Variants in LOXHD1 observed in about 807,000 individuals in gnomAD.
LOXHD1 encodes the protein lipoxygenase homology domain-containing protein 1.
In LOXHD1, 205 loss-of-function variants were observed where a neutral mutation model predicts 248.2. That is an observed-to-expected ratio of 0.83 (90% confidence interval 0.74 to 0.93). The LOEUF (loss-of-function observed/expected upper bound fraction) is 0.93. Among genes scored for constraint, LOXHD1 ranks in the 40% least tolerant of loss-of-function variants. LOXHD1 has a pLI of 0.00. For synonymous variants in LOXHD1, 1,113 were observed against 1,162.8 expected, an observed-to-expected ratio of 0.96 and a Z score of 0.87; for missense variants, 2,930 against 2,971.6, an observed-to-expected ratio of 0.99 and a Z score of 0.33.
At chr18:46,608,444 A>C (rs747679276) in intron 6 of LOXHD1, among the ~76,000 whole-genome samples, 4 of 152,186 alleles carry the variant, frequency 2.6e-5, no homozygotes, top group Non-Finnish European at 5.9e-5. Flanking sequence ...CAAGAGGGTG[A>C]AACTGTTCAC....
chr18:46,574,728 C>T (rs1031068088), intron 14 of LOXHD1, among the ~76,000 whole-genome samples: 1 of 152,158 alleles, frequency 6.6e-6, no homozygotes, highest in Non-Finnish European at 1.5e-5. Flanking sequence ...TCATCAGCAC[C>T]ACTGTGTCTT....
In LOXHD1 at chr18:46,485,147, G is replaced by C. The variant is rs137944477; in HGVS notation, c.6054C>G (p.Tyr2018Ter). Residue 2018 changes from tyrosine (Y) to a stop codon, truncating the protein, a stop_gained, in exon 39 of 41, where the codon TAC becomes TAG. Transcript: ENST00000642948. LOFTEE classifies it high-confidence loss of function. ...CGTTGCCCGTTTCTATGACGATCTC[G>C]TAGGCTGTAATGGAGGAGGTGGGGG... ...KICDELEETT[Y>*]EIVIETGNGG... is the part of the protein sequence containing the mutation. 8 of 1,549,350 alleles carry C rather than the reference G, an allele frequency of 5.2e-6. No homozygotes were observed. In the Admixed American group the frequency reaches 1.6e-4, roughly 31 times the overall value.
In LOXHD1 at chr18:46,524,586, G is replaced by C. The variant is rs773223976; in HGVS notation, c.4756C>G (p.Arg1586Gly). The change falls in exon 31 of 41, where the codon CGC becomes GGC. Residue 1586 changes from arginine (R) to glycine (G), a missense_variant. Physicochemically the swap from Arg to Gly is moderately radical, Grantham distance 125. Transcript: ENST00000642948. ...LFYEKEYTGD[R>G]SSNCSSPADF... ...GCAGGGCTGCTGCAGTTGCTGCTGCGGTCCCCAGTGTACTCCTGTGTGGGA... is the reference window on the plus strand; with the variant it reads ...GCAGGGCTGCTGCAGTTGCTGCTGCCGTCCCCAGTGTACTCCTGTGTGGGA... 6.4e-7 allele frequency: 1 copy of C among 1,551,676 alleles called. No homozygotes were observed. The highest frequency in any genetic ancestry group is 8.7e-7 in the Non-Finnish European group (1 of 1,146,986).
rs745921203 is a variant in LOXHD1, at chr18:46,566,279, G to T, written c.2415C>A (p.Ser805Arg). The T allele has an allele frequency of 3.9e-6, 6 of 1,550,424 alleles. No homozygotes were observed. Among genetic ancestry groups the T allele is most frequent in the East Asian group, 2.4e-5 (1 of 40,866 alleles). The stretch of plus-strand genomic sequence containing the variant: ...TACATTTCTGGATCTCCACCACCTC[G>T]CTGGGATACAGCTCCACCTCCAGGC... ...DGRLEVELYP[S>R]EVVEIQKLVH... Residue 805 changes from serine (S) to arginine (R), a missense_variant, in exon 17 of 41, where the codon AGC becomes AGA. Physicochemically the swap from Ser to Arg is moderately radical, Grantham distance 110. Transcript: ENST00000642948.
At chr18:46,615,065 A>T (rs538806233) in intron 5 of LOXHD1, among the ~76,000 whole-genome samples, 23 of 152,322 alleles carry the variant, frequency 1.5e-4, no homozygotes, top group Middle Eastern at 3.4e-3. Context: ...GAGATGAAAG[A>T]TCAGGCTACA....
intron 23 of LOXHD1, among the ~76,000 whole-genome samples, chr18:46,543,810 ACT>A (rs1427025085): frequency 6.6e-6 from 1 of 151,710 alleles, no homozygotes; most frequent in Non-Finnish European, 1.5e-5. Flanking sequence ...TACCCTCACA[ACT>A]CTCTACATGG....
At chr18:46,652,821 G>A (rs1477869150) in intron 1 of LOXHD1, among the ~76,000 whole-genome samples, 1 of 152,248 alleles carries the variant, frequency 6.6e-6, no homozygotes, top group Non-Finnish European at 1.5e-5. Flanking sequence ...AGACAGTGGT[G>A]TATGTATCAA....
intron 36 of LOXHD1, among the ~76,000 whole-genome samples, chr18:46,506,289 T>C (rs1354739730): frequency 6.6e-6 from 1 of 152,226 alleles, no homozygotes; most frequent in Admixed American, 6.5e-5. Flanking sequence ...AGTACAAAAC[T>C]CATCTATTTC....
chr18:46,498,671 C>T (rs189863485), intron 37 of LOXHD1, among the ~76,000 whole-genome samples: 1 of 152,168 alleles, frequency 6.6e-6, no homozygotes, highest in African/African-American at 2.4e-5. Flanking sequence ...AGCATCTTTC[C>T]ATGTTCTCTC....
Position 46,639,818 on chromosome 18 carries a change from G to A in LOXHD1, c.327-18C>T. On this transcript the variant is annotated intron_variant, in intron 3 of 40. Coordinates refer to ENST00000642948, the MANE Select transcript of LOXHD1 (RefSeq NM_001384474.1). The stretch of plus-strand genomic sequence containing the variant: ...GCTCAATCCTGAGGCAGAAGCCAAG[G>A]CCCACACCATCACTGGCAGAACTGA... The A allele has an allele frequency of 3.9e-6, 6 of 1,551,558 alleles. No individual in the cohort carries two copies. The highest frequency in any genetic ancestry group is 3.5e-6 in the Non-Finnish European group (4 of 1,146,908).
chr18:46,650,707 TG>T (rs10706609), intron 1 of LOXHD1, among the ~76,000 whole-genome samples: 46,627 of 151,562 alleles, frequency 0.31, 8,344 homozygotes, highest in East Asian at 0.43. Flanking sequence ...TGAGGGAGAA[TG>T]GGGGAGGAAG....
chr18:46,567,627 A>G (rs1279265298), intron 16 of LOXHD1, among the ~76,000 whole-genome samples: 1 of 152,272 alleles, frequency 6.6e-6, no homozygotes, highest in Non-Finnish European at 1.5e-5. Context: ...GCTCAGTTCT[A>G]CAACACTTCA....
intron 4 of LOXHD1, among the ~76,000 whole-genome samples, chr18:46,628,161 T>C (rs909477648): frequency 1.3e-5 from 2 of 152,220 alleles, no homozygotes; most frequent in Non-Finnish European, 2.9e-5. Flanking sequence ...GGCTTCCATT[T>C]TCTCCTCTCT....
chr18:46,505,737 C>G (rs1405949469), intron 37 of LOXHD1, 101 bp downstream of exon 37: 4 of 1,284,552 alleles, frequency 3.1e-6, no homozygotes, highest in South Asian at 2.8e-5. Flanking sequence ...TTCTGCCACC[C>G]TGGGGTAATC....
At chr18:46,545,515 T>A (rs527926334) in intron 22 of LOXHD1, 94 bp from the exon 23 acceptor site, 97 of 883,820 alleles carry the variant, frequency 1.1e-4, no homozygotes, top group Admixed American at 6.8e-4. Context: ...AGGGCTTCCT[T>A]GATTCACTCC....
intron 33 of LOXHD1, among the ~76,000 whole-genome samples, 163 bp downstream of exon 33, chr18:46,520,934 C>T (rs970155962): frequency 2.6e-5 from 4 of 152,166 alleles, no homozygotes; most frequent in Non-Finnish European, 2.9e-5. Context: ...GTTCAGTCTG[C>T]GGCTCCTAGC....
chr18:46,578,265 A>G (rs550819050), intron 13 of LOXHD1, among the ~76,000 whole-genome samples: 5 of 152,266 alleles, frequency 3.3e-5, no homozygotes, highest in East Asian at 1.9e-4. Context: ...AGCCTTGCTA[A>G]TTGTATAGTT....
chr18:46,533,390 C>A, intron 27 of LOXHD1, 66 bp from the exon 28 acceptor site: 1 of 1,514,502 alleles, frequency 6.6e-7, no homozygotes, highest in Non-Finnish European at 8.9e-7. Context: ...AGGGATTCAT[C>A]AGCTCAATAC....
chr18:46,589,405 A>G (rs2038123323), intron 12 of LOXHD1, among the ~76,000 whole-genome samples: 2 of 152,094 alleles, frequency 1.3e-5, no homozygotes, highest in East Asian at 1.9e-4. Flanking sequence ...TTTAAAACAG[A>G]TTCTTTTGTT....
Sources: gnomAD v4.1 joint callset for allele counts (sites outside exome capture counted in the v4.1 genomes callset) on GRCh38, gnomAD v4.1.1 for gene constraint, MANE v1.5 for transcripts, NCBI Gene and HGNC (gene_info 2026-07-23, HGNC 2026-07-21) for gene names.